DSCAML1: variants seen among roughly 807,000 people sequenced by gnomAD.
The protein encoded by DSCAML1 is cell adhesion molecule DSCAML1.
In DSCAML1, 38 loss-of-function variants were observed where a neutral mutation model predicts 200.5. The observed-to-expected ratio is 0.19, with a 90% CI of 0.15 to 0.25. DSCAML1 has a LOEUF of 0.25. Ranked by LOEUF, DSCAML1 falls within the 10% of genes least tolerant of loss-of-function variation. DSCAML1 has a pLI of 1.00. For synonymous variants in DSCAML1, 1,215 were observed against 1,165.0 expected (o/e 1.04, Z -0.87); for missense variants, 2,223 against 2,858.8 (o/e 0.78, Z 5.07).
intron 3 of DSCAML1, among the ~76,000 whole-genome samples, chr11:117,629,826 ATCGC>A (rs1333915959): frequency 6.6e-6 from 1 of 152,184 alleles, no homozygotes; most frequent in Admixed American, 6.5e-5. Flanking sequence ...TCAAGACCCC[ATCGC>A]TACAAAAAAT....
intron 3 of DSCAML1, among the ~76,000 whole-genome samples, chr11:117,548,570 T>C (rs2050418870): frequency 6.6e-6 from 1 of 152,218 alleles, no homozygotes; most frequent in Admixed American, 6.5e-5. Flanking sequence ...AGTTCCACAT[T>C]TGGACGGGGT....
chr11:117,541,015 C>T (rs35266957), intron 3 of DSCAML1, among the ~76,000 whole-genome samples: 2,760 of 152,228 alleles, frequency 0.018, 75 homozygotes, highest in Non-Finnish European at 0.023. Context: ...TCTCCCCCAG[C>T]GATTTAGAAG....
intron 3 of DSCAML1, among the ~76,000 whole-genome samples, chr11:117,575,304 G>A (rs934426474): frequency 5.9e-5 from 9 of 152,348 alleles, no homozygotes; most frequent in African/African-American, 2.2e-4. Context: ...CCGGGATGAC[G>A]CATGGTTTGA....
chr11:117,718,428 C>CT (rs1276556837), intron 3 of DSCAML1, among the ~76,000 whole-genome samples: 1 of 152,188 alleles, frequency 6.6e-6, no homozygotes, highest in Non-Finnish European at 1.5e-5. Flanking sequence ...GGTGCAGTAT[C>CT]TTTGGCCAGG....
At chr11:117,697,020 A>C (rs1201145115) in intron 3 of DSCAML1, among the ~76,000 whole-genome samples, 1 of 152,154 alleles carries the variant, frequency 6.6e-6, no homozygotes, top group African/African-American at 2.4e-5. Context: ...TTTGCTAGGA[A>C]CTTCCTTTGG....
At chr11:117,765,167 C>A (rs1410143863) in intron 3 of DSCAML1, among the ~76,000 whole-genome samples, 1 of 152,188 alleles carries the variant, frequency 6.6e-6, no homozygotes, top group African/African-American at 2.4e-5. Flanking sequence ...TTTGTCCAGG[C>A]CCAGGGCCCC....
chr11:117,685,301 G>A (rs1031573827), intron 3 of DSCAML1, among the ~76,000 whole-genome samples: 11 of 152,166 alleles, frequency 7.2e-5, no homozygotes, highest in Admixed American at 3.3e-4. Flanking sequence ...GAAAATTAAC[G>A]GTCAGAGCTG....
At chr11:117,748,601 C>A (rs533421681) in intron 3 of DSCAML1, among the ~76,000 whole-genome samples, 1 of 152,190 alleles carries the variant, frequency 6.6e-6, no homozygotes, top group Non-Finnish European at 1.5e-5. Flanking sequence ...GTGTGGAATG[C>A]GGGGGCTCAG....
At chr11:117,476,392 A>G (rs1047322083) in intron 14 of DSCAML1, among the ~76,000 whole-genome samples, 1 of 152,188 alleles carries the variant, frequency 6.6e-6, no homozygotes, top group Non-Finnish European at 1.5e-5. Context: ...TGAGACCCCC[A>G]TGACAATCTC....
chr11:117,488,193 T>C (rs558954958), intron 11 of DSCAML1, among the ~76,000 whole-genome samples: 65 of 152,194 alleles, frequency 4.3e-4, no homozygotes, highest in Non-Finnish European at 6.6e-4. Flanking sequence ...GCACCCAGCC[T>C]CCAAGGACCA....
At chr11:117,723,068 C>T (rs1271404661) in intron 3 of DSCAML1, among the ~76,000 whole-genome samples, 3 of 152,130 alleles carry the variant, frequency 2.0e-5, no homozygotes, top group East Asian at 3.8e-4. Context: ...TGTGAAGTAC[C>T]TCATTGGGCT....
At chr11:117,728,052 T>C (rs534510741) in intron 3 of DSCAML1, among the ~76,000 whole-genome samples, 2 of 152,288 alleles carry the variant, frequency 1.3e-5, no homozygotes, top group African/African-American at 4.8e-5. Context: ...GCAAACTGAA[T>C]CCAGAAGCAT....
In DSCAML1 at chr11:117,432,446, T is replaced by C; in HGVS notation, c.5085A>G (p.Pro1695=). The change falls in exon 30 of 33, where the codon CCA becomes CCG. Residue 1695 remains proline (P), a synonymous_variant. Transcript: ENST00000651296. ...TDAEFSQAVN[P]QSFCTGVSLH... is the part of the protein sequence containing the mutation. Reference sequence around the variant, plus strand: ...AGGAGACGCCAGTACAGAAGCTCTGTGGGTTGACAGCTTGGCTGAACTCAG... The same window carrying C: ...AGGAGACGCCAGTACAGAAGCTCTGCGGGTTGACAGCTTGGCTGAACTCAG... 1.2e-6 allele frequency: 2 copies of C among 1,614,140 alleles called. No individual in the cohort carries two copies. Among genetic ancestry groups the C allele is most frequent in the Non-Finnish European group, 1.7e-6 (2 of 1,180,022 alleles).
intron 3 of DSCAML1, among the ~76,000 whole-genome samples, chr11:117,647,447 C>T (rs1436811852): frequency 6.6e-6 from 1 of 152,204 alleles, no homozygotes; most frequent in Non-Finnish European, 1.5e-5. Context: ...TTAGCCAGCC[C>T]TTCCCAGGAG....
chr11:117,448,635 GT>G (rs1348763769), intron 20 of DSCAML1, among the ~76,000 whole-genome samples: 13 of 119,330 alleles, frequency 1.1e-4, no homozygotes, highest in African/African-American at 3.1e-4. Context: ...GTGTGTGTGT[GT>G]GTGGGGGGTG....
chr11:117,658,732 T>G (rs1007976698), intron 3 of DSCAML1, among the ~76,000 whole-genome samples: 1 of 152,200 alleles, frequency 6.6e-6, no homozygotes, highest in Admixed American at 6.5e-5. Context: ...AGCACATTTT[T>G]GAGTGGCGAA....
At position 117,432,392 on chromosome 11, in the gene DSCAML1, T is replaced by C. The variant is rs76347292; in HGVS notation, c.5139A>G (p.Thr1713=). ...SLHHPTLIQS[T]GPLIDMSDIR... ...TGTCAGACATGTCGATGAGGGGTCCTGTGCTCTGGATGAGGGTTGGGTGGT... is the reference window on the plus strand; with the variant it reads ...TGTCAGACATGTCGATGAGGGGTCCCGTGCTCTGGATGAGGGTTGGGTGGT... The change falls in exon 30 of 33, where the codon ACA becomes ACG. Residue 1713 remains threonine, a synonymous_variant. Coordinates refer to ENST00000651296, the MANE Select transcript of DSCAML1 (RefSeq NM_020693.4). 100,659 of 1,613,990 alleles carry C rather than the reference T, an allele frequency of 0.062. 3,901 individuals are homozygous for C. Among genetic ancestry groups the C allele is most frequent in the South Asian group, 0.15 (13,916 of 91,054 alleles).
chr11:117,435,553 T>C (rs2047897169), intron 27 of DSCAML1, 91 bp downstream of exon 27: 12 of 1,442,884 alleles, frequency 8.3e-6, no homozygotes, highest in Admixed American at 2.1e-5. Context: ...CTCTGTATCA[T>C]CCAGATGGTG....
intron 3 of DSCAML1, among the ~76,000 whole-genome samples, chr11:117,597,735 C>T (rs183006703): frequency 1.8e-3 from 272 of 152,238 alleles, no homozygotes; most frequent in South Asian, 6.2e-3. Flanking sequence ...GTATTACAGG[C>T]GTGAACCACC....
Sources: gnomAD v4.1 joint callset for allele counts (sites outside exome capture counted in the v4.1 genomes callset) on GRCh38, gnomAD v4.1.1 for gene constraint, MANE v1.5 for transcripts, NCBI Gene and HGNC (gene_info 2026-07-23, HGNC 2026-07-21) for gene names.